The following JARID2 variants were observed in gnomAD, a reference collection of about 807,000 sequenced individuals.
JARID2 encodes jumonji and AT-rich interaction domain containing 2, also known as protein Jumonji.
JARID2 carries 21 observed loss-of-function variants against 125.6 expected under a neutral mutation model. The ratio of observed to expected loss-of-function variants is 0.17; its 90% confidence interval spans 0.12 to 0.24. The LOEUF is 0.24. JARID2 is among the 10% of genes least tolerant of loss of function. The pLI, the probability that JARID2 is intolerant of heterozygous loss-of-function variation, is 1.00. For synonymous variants in JARID2, 736 were observed against 661.6 expected, an observed-to-expected ratio of 1.11 and a Z score of -1.73; for missense variants, 1,303 against 1,639.6, an observed-to-expected ratio of 0.79 and a Z score of 3.55.
intron 3 of JARID2, among the ~76,000 whole-genome samples, chr6:15,419,879 A>G (rs970684258): frequency 6.6e-6 from 1 of 152,176 alleles, no homozygotes; most frequent in African/African-American, 2.4e-5. Context: ...CATTGAGTGT[A>G]TTAGGTTTGT....
At chr6:15,496,105 T>C in intron 6 of JARID2, 27 bp from the exon 7 acceptor site, 13 of 1,572,842 alleles carry the variant, frequency 8.3e-6, no homozygotes, top group Non-Finnish European at 1.0e-5. Flanking sequence ...TGCGTTTTTT[T>C]CCACCTCTGC....
At chr6:15,477,646 T>C (rs1410244210) in intron 5 of JARID2, among the ~76,000 whole-genome samples, 1 of 152,124 alleles carries the variant, frequency 6.6e-6, no homozygotes, top group African/African-American at 2.4e-5. Flanking sequence ...AGCATCATGA[T>C]TACAGCACTG....
intron 1 of JARID2, among the ~76,000 whole-genome samples, chr6:15,373,396 G>C (rs182360531): frequency 2.6e-5 from 4 of 152,086 alleles, no homozygotes; most frequent in Non-Finnish European, 5.9e-5. Context: ...CATTCATTTT[G>C]TTAATTCTTA....
chr6:15,473,615 C>G (rs1287925339), intron 5 of JARID2, among the ~76,000 whole-genome samples: 4 of 147,754 alleles, frequency 2.7e-5, no homozygotes, highest in African/African-American at 5.0e-5. Context: ...TCCATTAAGA[C>G]ATTTTGTAGT....
At chr6:15,254,815 G>A (rs1186716127) in intron 1 of JARID2, among the ~76,000 whole-genome samples, 5 of 151,996 alleles carry the variant, frequency 3.3e-5, no homozygotes, top group East Asian at 1.9e-4. Context: ...CGAGGTGAGC[G>A]GATCACTTCA....
chr6:15,268,299 T>TA (rs1760166301), intron 1 of JARID2, among the ~76,000 whole-genome samples: 1 of 152,200 alleles, frequency 6.6e-6, no homozygotes, highest in Non-Finnish European at 1.5e-5. Flanking sequence ...CTGCTGCTAA[T>TA]AGAAAACAAA....
At chr6:15,446,418 G>A (rs1240232257) in intron 3 of JARID2, among the ~76,000 whole-genome samples, 3 of 152,208 alleles carry the variant, frequency 2.0e-5, no homozygotes, top group Non-Finnish European at 4.4e-5. Flanking sequence ...GCTTCTGTGC[G>A]GGAAGTGGCC....
intron 1 of JARID2, among the ~76,000 whole-genome samples, chr6:15,255,041 C>G (rs1759607512): frequency 6.6e-6 from 1 of 150,450 alleles, no homozygotes; most frequent in African/African-American, 2.4e-5. Flanking sequence ...AAAAACACCA[C>G]AAAAACACAC....
At chr6:15,296,937 A>G (rs545976318) in intron 1 of JARID2, among the ~76,000 whole-genome samples, 4 of 152,272 alleles carry the variant, frequency 2.6e-5, no homozygotes, top group Admixed American at 1.3e-4. Flanking sequence ...CTGTGGCCTT[A>G]TCTTGGCTTC....
rs373104387 is a variant in JARID2 at position 15,496,798 on chromosome 6, C to T, written c.1573C>T (p.Arg525Cys). 5.6e-6 allele frequency: 9 copies of T among 1,609,008 alleles called. No individual in the cohort carries two copies. The highest frequency in any genetic ancestry group is 4.4e-5 in the South Asian group (4 of 90,438). ...GKADSASCEN[R>C]STSQPESVHK... The stretch of plus-strand genomic sequence containing the variant: ...GGCGGACAGCGCCTCCTGTGAAAAT[C>T]GTTCTACCTCGCAACCGGAGTCCGT... The change falls in exon 7 of 18, where the codon CGT (arginine) becomes TGT (cysteine). Residue 525 changes from arginine (R) to cysteine (C), a missense_variant. Arg to Cys is a radical substitution (Grantham distance 180). This residue lies in a region of JARID2 where 651 missense variants were observed against 581.6 expected (regional missense o/e 1.12). Coordinates refer to ENST00000341776, the MANE Select transcript of JARID2 (RefSeq NM_004973.4).
chr6:15,393,712 T>TATACAC (rs1326831618), intron 2 of JARID2, among the ~76,000 whole-genome samples: 15 of 152,216 alleles, frequency 9.9e-5, no homozygotes, highest in African/African-American at 3.6e-4. Context: ...TACACGAAAT[T>TATACAC]GTTAACAGTG....
chr6:15,373,925 T>G (rs1764259103), intron 1 of JARID2, among the ~76,000 whole-genome samples, 192 bp from the exon 2 acceptor site: 1 of 152,210 alleles, frequency 6.6e-6, no homozygotes, highest in African/African-American at 2.4e-5. Flanking sequence ...AGCCTGTGGA[T>G]TCACTTTTCT....
At chr6:15,320,313 ACT>A (rs1762310031) in intron 1 of JARID2, among the ~76,000 whole-genome samples, 1 of 152,176 alleles carries the variant, frequency 6.6e-6, no homozygotes, top group Non-Finnish European at 1.5e-5. Context: ...AGTTAGGTTA[ACT>A]CTGTTTCTTT....
intron 3 of JARID2, among the ~76,000 whole-genome samples, chr6:15,449,535 G>A (rs1272505912): frequency 6.6e-6 from 1 of 151,808 alleles, no homozygotes; most frequent in African/African-American, 2.4e-5. Flanking sequence ...GGGTGTGGTG[G>A]CACATACCAG....
At chr6:15,249,149 T>G (rs1346154744) in intron 1 of JARID2, among the ~76,000 whole-genome samples, 1 of 152,156 alleles carries the variant, frequency 6.6e-6, no homozygotes, top group Admixed American at 6.5e-5. Context: ...CTCCAGTGCT[T>G]ATGTAAAGAA....
At chr6:15,270,312 A>G (rs897552715) in intron 1 of JARID2, among the ~76,000 whole-genome samples, 2 of 152,030 alleles carry the variant, frequency 1.3e-5, no homozygotes, top group Non-Finnish European at 2.9e-5. Context: ...TGGTATTTTT[A>G]GTAGAGACAG....
intron 2 of JARID2, among the ~76,000 whole-genome samples, chr6:15,407,197 G>A (rs1227136794): frequency 6.6e-6 from 1 of 152,106 alleles, no homozygotes; most frequent in African/African-American, 2.4e-5. Context: ...GAGCCCAGGA[G>A]GCTGAGGCTG....
Position 15,377,784 on chromosome 6 carries a change from G to A in JARID2, c.181+3532G>A, listed in dbSNP as rs117216640. The stretch of plus-strand genomic sequence containing the variant: ...CCTGACGTTGTGATCTACCTGCTTC[G>A]GCCTCCCAAAGTGCTGGGATTATGG... On this transcript the variant is annotated intron_variant, in intron 2 of 17. Coordinates refer to ENST00000341776, the MANE Select transcript of JARID2 (RefSeq NM_004973.4). Among the ~76,000 whole-genome samples the A allele has an allele frequency of 1.6e-3, 238 of 151,652 alleles. 5 individuals carry two copies. The East Asian group carries it at 0.034, about 22-fold the overall frequency.
intron 1 of JARID2, among the ~76,000 whole-genome samples, chr6:15,326,724 C>T (rs1762544993): frequency 6.6e-6 from 1 of 152,218 alleles, no homozygotes; most frequent in African/African-American, 2.4e-5. Context: ...TGGTCTCAAA[C>T]TCCTGGCCTA....
Sources: gnomAD v4.1 joint callset for allele counts (sites outside exome capture counted in the v4.1 genomes callset) on GRCh38, gnomAD v4.1.1 for gene constraint, gnomAD v4.1.1 regional missense constraint, MANE v1.5 for transcripts, NCBI Gene and HGNC (gene_info 2026-07-23, HGNC 2026-07-21) for gene names.